C11orf65: variants seen among roughly 807,000 people sequenced by gnomAD.
C11orf65 encodes protein MFI.
C11orf65 carries 38 observed loss-of-function variants against 35.3 expected under a neutral mutation model. That is an observed-to-expected ratio of 1.08 (90% CI 0.83 to 1.41). The LOEUF (loss-of-function observed/expected upper bound fraction) is 1.41. Among genes scored for constraint, C11orf65 ranks in the 40% most tolerant of loss-of-function variants. The pLI is 0.00. For synonymous variants in C11orf65, 105 were observed against 114.4 expected (o/e 0.92, Z 0.53); for missense variants, 370 against 367.1 (o/e 1.01, Z -0.06).
rs1233866888 is a variant in C11orf65 at position 108,461,607 on chromosome 11, T to A, written c.-9-39A>T. On this transcript the variant is annotated intron_variant, in intron 1 of 8. Coordinates refer to ENST00000393084, the MANE Select transcript of C11orf65 (RefSeq NM_152587.5). ...AGCAAAAAGGGTACATTTAAAATAA[T>A]TTTAATTTACTTTCATTTTTATTTA... is the stretch of plus-strand genomic sequence containing the variant. 2.4e-6 allele frequency: 3 copies of A among 1,233,476 alleles called. No homozygotes were observed. In the African/African-American group the frequency reaches 4.6e-5, roughly 19 times the overall value. 76.4% of individuals were successfully genotyped at this position (1,233,476 alleles called of 1,614,324 possible).
rs536085409 is a variant in C11orf65, at chr11:108,364,329, T to G, written c.226+28879A>C. Among the ~76,000 whole-genome samples, 18 of 152,338 alleles carry G rather than the reference T, an allele frequency of 1.2e-4. No individual in the cohort carries two copies. The South Asian group carries it at 3.3e-3, about 28-fold the overall frequency. ...TTGCTAAAGCCTATTTTTTTTAAAG[T>G]TCTGTGTTTATAAATACCAGAGCAG... On this transcript the variant is annotated intron_variant, in intron 2 of 3. Transcript: ENST00000524755.
At chr11:108,461,884 G>A (rs572954232) in intron 1 of C11orf65, among the ~76,000 whole-genome samples, 1 of 151,906 alleles carries the variant, frequency 6.6e-6, no homozygotes, top group African/African-American at 2.4e-5. Context: ...GCCTCCCAAA[G>A]TGCTGGGATT....
intron 2 of C11orf65, among the ~76,000 whole-genome samples, chr11:108,342,471 T>C (rs2087711806): frequency 6.6e-6 from 1 of 152,148 alleles, no homozygotes; most frequent in African/African-American, 2.4e-5. Context: ...TGTGTACATA[T>C]AGCTTTGAAA....
chr11:108,386,714 C>A (rs972754206), intron 7 of C11orf65, among the ~76,000 whole-genome samples: 14 of 152,050 alleles, frequency 9.2e-5, no homozygotes, highest in Admixed American at 3.9e-4. Flanking sequence ...CCACTTTAAT[C>A]AAAAAATCAG....
chr11:108,441,903 A>G (rs781321671), intron 2 of C11orf65, among the ~76,000 whole-genome samples: 1 of 152,256 alleles, frequency 6.6e-6, no homozygotes, highest in Non-Finnish European at 1.5e-5. Flanking sequence ...TCTAAATATC[A>G]GAATGCCTCT....
intron 6 of C11orf65, chr11:108,312,342 A>G (rs1053167866): frequency 1.7e-6 from 2 of 1,166,572 alleles, no homozygotes; most frequent in African/African-American, 1.5e-5. Flanking sequence ...GTCAAAGTCT[A>G]TAGTATATGT....
Position 108,437,707 on chromosome 11 carries a change from T to TAAAAA in C11orf65, c.82-5874_82-5870dup, listed in dbSNP as rs145337876. 8.7e-3 allele frequency among the ~76,000 whole-genome samples: 330 copies of TAAAAA among 38,026 alleles called. 20 individuals are homozygous for TAAAAA. The highest frequency in any genetic ancestry group is 0.041 in the African/African-American group (288 of 7,034). The allele number at this position is 38,026 out of a possible 152,430, so 24.9% of individuals were successfully genotyped here. A position where few individuals can be genotyped will look rare whatever the true frequency, so the allele number is the denominator to read the frequency against. ...CCTGGTGACAGGTGAGACTCAGTCT[T>TAAAAA]AAAAAAAAAAAAAAAAAAAAAAAAA... On this transcript the variant is annotated intron_variant, in intron 2 of 8. Coordinates refer to ENST00000393084, the MANE Select transcript of C11orf65 (RefSeq NM_152587.5).
chr11:108,377,096 T>C (rs1197510506), intron 2 of C11orf65, among the ~76,000 whole-genome samples: 4 of 150,654 alleles, frequency 2.7e-5, no homozygotes, highest in Admixed American at 6.6e-5. Flanking sequence ...TTCCAATCAA[T>C]AGAAAAAGAG....
intron 2 of C11orf65, among the ~76,000 whole-genome samples, chr11:108,359,654 G>T (rs1017968489): frequency 6.6e-6 from 1 of 152,020 alleles, no homozygotes; most frequent in African/African-American, 2.4e-5. Flanking sequence ...ACTCAAAACC[G>T]CTCAACTACA....
chr11:108,411,952 T>A (rs924430693), intron 3 of C11orf65, among the ~76,000 whole-genome samples: 2 of 152,008 alleles, frequency 1.3e-5, no homozygotes, highest in Non-Finnish European at 2.9e-5. Flanking sequence ...AATTTTGTAT[T>A]TTTAGTAGAG....
intron 2 of C11orf65, among the ~76,000 whole-genome samples, chr11:108,454,034 A>T (rs1048621860): frequency 6.6e-6 from 1 of 152,198 alleles, no homozygotes; most frequent in African/African-American, 2.4e-5. Flanking sequence ...TGAATTCAAC[A>T]GTGAAGCCAT....
At chr11:108,332,433 A>AAATT (rs4988124) in intron 3 of C11orf65, among the ~76,000 whole-genome samples, 152 of 151,740 alleles carry the variant, frequency 1.0e-3, no homozygotes, top group Admixed American at 2.7e-3. Context: ...ACTCTGTCTC[A>AAATT]AATTAATTAA....
chr11:108,393,451 ATT>A, intron 6 of C11orf65, 73 bp from the exon 7 acceptor site: 2 of 1,350,616 alleles, frequency 1.5e-6, no homozygotes, highest in Non-Finnish European at 2.1e-6. Context: ...GGCAATATAT[ATT>A]GTTGCTATTT....
chr11:108,370,611 GGTTTT>G lies in C11orf65; in HGVS notation c.226+22592_226+22596del, dbSNP rs1023004088. 1.0e-4 allele frequency among the ~76,000 whole-genome samples: 15 copies of G among 149,376 alleles called. No individual in the cohort carries two copies. In the East Asian group the frequency reaches 2.9e-3, roughly 29 times the overall value. ...CCTTTAAATTTACTGTTTGCTGCAG[GGTTTT>G]GTTTTGTTTTTTTTTAATGTGTGTA... On this transcript the variant is annotated intron_variant, in intron 2 of 3. Coordinates refer to the C11orf65 transcript ENST00000524755.
At position 108,333,941 on chromosome 11, in the gene C11orf65, T is replaced by C. The variant is rs143972422; in HGVS notation, c.299+1279A>G. On this transcript the variant is annotated intron_variant, in intron 3 of 3. Transcript: ENST00000524755. The stretch of plus-strand genomic sequence containing the variant: ...TTACTAAACTTAAGAATTTAGAAGA[T>C]GTTGTTGTCCCTACTATGGAAATTA... 80 of 1,611,520 alleles carry C rather than the reference T, an allele frequency of 5.0e-5. No homozygotes were observed. Among genetic ancestry groups the C allele is most frequent in the African/African-American group, 6.7e-5 (5 of 74,990 alleles).
At chr11:108,427,458 G>C (rs969602270) in intron 3 of C11orf65, among the ~76,000 whole-genome samples, 14 of 132,672 alleles carry the variant, frequency 1.1e-4, no homozygotes, top group Admixed American at 3.8e-4. Context: ...GCGGGCTGAC[G>C]CCTGTAATCC....
At chr11:108,409,017 AATAT>A (rs1029241700) in intron 3 of C11orf65, among the ~76,000 whole-genome samples, 10 of 152,154 alleles carry the variant, frequency 6.6e-5, no homozygotes, top group African/African-American at 2.2e-4. Context: ...GAGCCATAAT[AATAT>A]ATACACATTT....
At chr11:108,452,745 C>A (rs1591598994) in intron 2 of C11orf65, among the ~76,000 whole-genome samples, 1 of 152,094 alleles carries the variant, frequency 6.6e-6, no homozygotes, top group Non-Finnish European at 1.5e-5. Context: ...GACTTGGAAC[C>A]AACCCAAATG....
intron 7 of C11orf65, among the ~76,000 whole-genome samples, chr11:108,386,483 TAA>T (rs2092003900): frequency 6.6e-6 from 1 of 152,176 alleles, no homozygotes; most frequent in Non-Finnish European, 1.5e-5. Flanking sequence ...CAGAACACGT[TAA>T]GAGATACATT....
Sources: gnomAD v4.1 joint callset for allele counts (sites outside exome capture counted in the v4.1 genomes callset) on GRCh38, gnomAD v4.1.1 for gene constraint, MANE v1.5 for transcripts, NCBI Gene and HGNC (gene_info 2026-07-23, HGNC 2026-07-21) for gene names.